The following SIPA1L2 variants were observed in gnomAD, a reference collection of about 807,000 sequenced individuals.
SIPA1L2 encodes the protein signal-induced proliferation-associated 1-like protein 2.
In SIPA1L2, 56 loss-of-function variants were observed where a neutral mutation model predicts 163.9. The observed-to-expected ratio is 0.34, with a 90% CI of 0.28 to 0.43. The LOEUF (loss-of-function observed/expected upper bound fraction) is 0.43, where lower values mean the gene tolerates loss of function less well. Ranked by LOEUF, SIPA1L2 falls within the 20% of genes least tolerant of loss-of-function variation. The pLI is 1.00. For missense variants in SIPA1L2, 1,974 were observed against 2,193.5 expected (o/e 0.90, Z 2.00); for synonymous variants, 877 against 865.7 (o/e 1.01, Z -0.23).
intron 1 of SIPA1L2, among the ~76,000 whole-genome samples, chr1:232,621,775 A>G (rs994271844): frequency 1.3e-5 from 2 of 151,838 alleles, no homozygotes; most frequent in Admixed American, 1.3e-4. Context: ...TCTGTCACAC[A>G]GGTTGGGGTC....
chr1:232,494,551 T>C (rs1666083459), intron 3 of SIPA1L2, among the ~76,000 whole-genome samples: 1 of 152,258 alleles, frequency 6.6e-6, no homozygotes, highest in Admixed American at 6.5e-5. Context: ...ACCCTTCAAA[T>C]GACATGAAGC....
chr1:232,448,365 G>A (rs1010300658), intron 10 of SIPA1L2, among the ~76,000 whole-genome samples: 1 of 152,164 alleles, frequency 6.6e-6, no homozygotes, highest in Non-Finnish European at 1.5e-5. Context: ...AGACATTCCA[G>A]AGCCAACATA....
chr1:232,465,034 T>C lies in SIPA1L2; in HGVS notation c.2626A>G (p.Ile876Val), dbSNP rs1305289007. 6.2e-7 allele frequency: 1 copy of C among 1,614,056 alleles called. No homozygotes were observed. Among genetic ancestry groups the C allele is most frequent in the Non-Finnish European group, 8.5e-7 (1 of 1,180,036 alleles). ...QSADIECLLG[I>V]SNEFIMLIEK... is the part of the protein sequence containing the mutation. ...ATCAACATGATGAACTCATTGGAGA[T>C]CCCGAGAAGACATTCAATGTCAGCA... The change falls in exon 9 of 23, where the codon ATC becomes GTC. Residue 876 changes from isoleucine (I) to valine (V), a missense_variant. Physicochemically the swap from Ile to Val is conservative, Grantham distance 29. Around this residue, in one of 3 missense-constraint regions of SIPA1L2, gnomAD observed 1,079 missense variants for 1,150.7 expected, o/e 0.94. Transcript: ENST00000674635. The surrounding 1 kb of genome is among the most constrained non-coding windows in gnomAD (Gnocchi z 4.1).
Position 232,490,919 on chromosome 1 carries a change from G to A in SIPA1L2, c.1761C>T (p.Asn587=). 6.2e-7 allele frequency: 1 copy of A among 1,614,132 alleles called. No homozygotes were observed. The highest frequency in any genetic ancestry group is 8.5e-7 in the Non-Finnish European group (1 of 1,180,004). ...LSIQCLRQAS[N]SPKVSEQLLK... is the part of the protein sequence containing the mutation. ...GCAGCTGCTCTGAGACCTTGGGTGAGTTGGAAGCCTGTCGCAAACACTGAA... is the reference window on the plus strand; with the variant it reads ...GCAGCTGCTCTGAGACCTTGGGTGAATTGGAAGCCTGTCGCAAACACTGAA... The change falls in exon 5 of 23, where the codon AAC becomes AAT. Residue 587 remains asparagine, a synonymous_variant. Coordinates refer to ENST00000674635, the MANE Select transcript of SIPA1L2 (RefSeq NM_020808.5).
At chr1:232,406,368 C>T (rs966583992) in intron 19 of SIPA1L2, among the ~76,000 whole-genome samples, 2 of 152,204 alleles carry the variant, frequency 1.3e-5, no homozygotes, top group Admixed American at 6.5e-5. Context: ...TAAGGTGGAA[C>T]GCTGGGCATG....
At chr1:232,584,357 T>C (rs779651011) in intron 1 of SIPA1L2, among the ~76,000 whole-genome samples, 2 of 152,206 alleles carry the variant, frequency 1.3e-5, no homozygotes, top group Non-Finnish European at 2.9e-5. Flanking sequence ...CCCGAGTAGA[T>C]GAGACTACAG....
chr1:232,445,675 C>A lies in SIPA1L2; in HGVS notation c.3207G>T (p.Val1069=), dbSNP rs528314870. 16 of 1,613,248 alleles carry A rather than the reference C, an allele frequency of 9.9e-6. No individual in the cohort carries two copies. In the African/African-American group the frequency reaches 2.0e-4, roughly 20 times the overall value. Residue 1069 remains valine, a synonymous_variant, in exon 11 of 23, where the codon GTG becomes GTT. Transcript: ENST00000674635. Reference sequence around the variant, plus strand: ...AGAGGGGCTGCAGGGCAGGAGTGGGCACCCGGTGCCACGTGGTGTTCCTCC... The same window carrying A: ...AGAGGGGCTGCAGGGCAGGAGTGGGAACCCGGTGCCACGTGGTGTTCCTCC... ...PFRRNTTWHR[V]PTPALQPLSR...
intron 1 of SIPA1L2, among the ~76,000 whole-genome samples, chr1:232,621,679 T>C (rs1481917049): frequency 6.6e-6 from 1 of 152,186 alleles, no homozygotes; most frequent in Non-Finnish European, 1.5e-5. Flanking sequence ...TCCCCAATTC[T>C]TTATTCTCTT....
chr1:232,527,661 T>C (rs1248903529), intron 2 of SIPA1L2, among the ~76,000 whole-genome samples: 1 of 150,778 alleles, frequency 6.6e-6, no homozygotes, highest in African/African-American at 2.4e-5. Context: ...CCACTTAATA[T>C]GATATACAGC....
Position 232,445,650 on chromosome 1 carries a change from A to T in SIPA1L2, c.3232T>A (p.Ser1078Thr). Residue 1078 changes from serine to threonine, a missense_variant, in exon 11 of 23, where the codon TCT becomes ACT. By Grantham distance (58) the Ser-to-Thr change is moderately conservative. Transcript: ENST00000674635. The part of the protein sequence containing the change: ...RVPTPALQPL[S>T]RASPIPGTPD... ...GTGCCGGGGATGGGGGAAGCTCTAG[A>T]GAGGGGCTGCAGGGCAGGAGTGGGC... The T allele has an allele frequency of 6.2e-7, 1 of 1,613,746 alleles. No homozygotes were observed. Among genetic ancestry groups the T allele is most frequent in the Non-Finnish European group, 8.5e-7 (1 of 1,179,904 alleles).
intron 2 of SIPA1L2, among the ~76,000 whole-genome samples, chr1:232,543,775 G>A (rs907984068): frequency 6.6e-6 from 1 of 152,120 alleles, no homozygotes; most frequent in Non-Finnish European, 1.5e-5. Flanking sequence ...AGGCTGAGGT[G>A]AAAGGATCAG....
intron 3 of SIPA1L2, among the ~76,000 whole-genome samples, chr1:232,495,454 A>G (rs1343132141): frequency 6.6e-6 from 1 of 151,608 alleles, no homozygotes; most frequent in African/African-American, 2.4e-5. Flanking sequence ...AGTCCCAGCT[A>G]CTCGGGAGGC....
Position 232,620,193 on chromosome 1 carries a change from A to T in SIPA1L2, c.-319+9676T>A, listed in dbSNP as rs112339243. Among the ~76,000 whole-genome samples, 8 of 152,210 alleles carry T rather than the reference A, an allele frequency of 5.3e-5. 1 individual carries two copies. Among genetic ancestry groups the T allele is most frequent in the African/African-American group, 1.7e-4 (7 of 41,552 alleles). On this transcript the variant is annotated intron_variant, in intron 1 of 22. Transcript: ENST00000674635. ...CCACCACGCCCGGCCAGATTTTTTTAAATTACCATTTTTCTCCGTAGTTTT... is the reference window on the plus strand; with the variant it reads ...CCACCACGCCCGGCCAGATTTTTTTTAATTACCATTTTTCTCCGTAGTTTT...
chr1:232,477,918 G>A (rs1009048241), intron 7 of SIPA1L2, among the ~76,000 whole-genome samples: 4 of 152,280 alleles, frequency 2.6e-5, no homozygotes, highest in Non-Finnish European at 5.9e-5. Context: ...TTGAATACTC[G>A]ATGACGGGGG....
chr1:232,411,317 G>A (rs578126741), intron 19 of SIPA1L2, among the ~76,000 whole-genome samples: 74 of 152,312 alleles, frequency 4.9e-4, no homozygotes, highest in Admixed American at 6.5e-4. Flanking sequence ...ATCCAAGCCA[G>A]GGAGAGGTAA....
At chr1:232,530,249 G>A (rs958365891) in intron 2 of SIPA1L2, among the ~76,000 whole-genome samples, 1 of 152,060 alleles carries the variant, frequency 6.6e-6, no homozygotes, top group African/African-American at 2.4e-5. Context: ...AAGCAGCTGG[G>A]ACCACAGGCG....
chr1:232,598,788 C>CCATCACCTTGGAAGTGAGGAT (rs1454186520), intron 1 of SIPA1L2, among the ~76,000 whole-genome samples: 1 of 152,040 alleles, frequency 6.6e-6, no homozygotes, highest in Non-Finnish European at 1.5e-5. Flanking sequence ...CCTGTCAATA[C>CCATCACCTTGGAAGTGAGGAT]TATCACCTTG....
Position 232,622,056 on chromosome 1 carries a change from T to C in SIPA1L2, c.-319+7813A>G, listed in dbSNP as rs1306053983. The stretch of plus-strand genomic sequence containing the variant: ...AACATTTTAAATGGGAAAAATGACC[T>C]ATTATTCCAAACAAATGAGTTACAA... On this transcript the variant is annotated intron_variant, in intron 1 of 22. Transcript: ENST00000674635. Among the ~76,000 whole-genome samples, 5 of 152,234 alleles carry C rather than the reference T, an allele frequency of 3.3e-5. No homozygotes were observed. In the South Asian group the frequency reaches 1.0e-3, roughly 31 times the overall value.
chr1:232,532,631 T>TAAAC (rs1271145832), intron 2 of SIPA1L2, among the ~76,000 whole-genome samples: 1 of 152,236 alleles, frequency 6.6e-6, no homozygotes, highest in Non-Finnish European at 1.5e-5. Flanking sequence ...CCAGAATTGT[T>TAAAC]TGTGTTTCCT....
Sources: allele counts gnomAD v4.1 joint callset (sites outside exome capture counted in the v4.1 genomes callset), GRCh38; gene constraint gnomAD v4.1.1; regional missense constraint gnomAD v4.1.1; non-coding constraint Gnocchi (gnomAD v3.1); transcripts MANE v1.5; gene names NCBI Gene and HGNC (gene_info 2026-07-23, HGNC 2026-07-21).